AFP: variants seen among roughly 807,000 people sequenced by gnomAD.
AFP encodes the protein alpha fetoprotein.
In AFP, 64 loss-of-function variants were observed where a neutral mutation model predicts 78.9. That is an observed-to-expected ratio of 0.81 (90% CI 0.66 to 1.00). The LOEUF is 1.00. Ranked by LOEUF, AFP falls within the 50% of genes least tolerant of loss-of-function variation. The probability of loss-of-function intolerance (pLI) is 0.00; values close to 1 mark genes in which losing one functional copy is unlikely to be tolerated. For synonymous variants in AFP, 254 were observed against 243.8 expected, an observed-to-expected ratio of 1.04 and a Z score of -0.39; for missense variants, 689 against 703.8, an observed-to-expected ratio of 0.98 and a Z score of 0.24.
At position 73,440,163 on chromosome 4, in the gene AFP, G is replaced by T. The variant is rs111446709; in HGVS notation, c.271-439G>T. ...CTGCACCTACCAACCTGTTGCCTGG[G>T]TATTAAGCCCAGCGTGCATTACCTA... On this transcript the variant is annotated intron_variant, in intron 3 of 14. Coordinates refer to ENST00000395792, the MANE Select transcript of AFP (RefSeq NM_001134.3). Among the ~76,000 whole-genome samples, 409 of 152,108 alleles carry T rather than the reference G, an allele frequency of 2.7e-3. 1 individual carries two copies. Among genetic ancestry groups the T allele is most frequent in the African/African-American group, 9.0e-3 (373 of 41,478 alleles).
In AFP at chr4:73,449,342, C is replaced by T. The variant is rs1719918901; in HGVS notation, c.1066C>T (p.His356Tyr). The T allele has an allele frequency of 6.8e-6, 11 of 1,612,734 alleles. No individual in the cohort carries two copies. Among genetic ancestry groups the T allele is most frequent in the Non-Finnish European group, 9.3e-6 (11 of 1,179,230 alleles). The stretch of plus-strand genomic sequence containing the variant: ...TTTCTCCACATATTTCAGTTTTGTT[C>T]ATGAATATTCAAGAAGACATCCTCA... ...EKNIFLASFV[H>Y]EYSRRHPQLA... Residue 356 changes from histidine to tyrosine, a missense_variant, in exon 9 of 15, where the codon CAT becomes TAT. Coordinates refer to ENST00000395792, the MANE Select transcript of AFP (RefSeq NM_001134.3).
Position 73,442,489 on chromosome 4 carries a change from C to T in AFP, c.615+61C>T, listed in dbSNP as rs184090053. 5.8e-3 allele frequency: 9,212 copies of T among 1,589,880 alleles called. 34 individuals carry two copies. Among genetic ancestry groups the T allele is most frequent in the Non-Finnish European group, 7.3e-3 (8,459 of 1,159,520 alleles). ...TAGTCTATGACTCATTAAAACAAAACAAAGTTAAAAATGAAAACGTGCTTA... is the reference window on the plus strand; with the variant it reads ...TAGTCTATGACTCATTAAAACAAAATAAAGTTAAAAATGAAAACGTGCTTA... On this transcript the variant is annotated intron_variant, in intron 5 of 14. Coordinates refer to ENST00000395792, the MANE Select transcript of AFP (RefSeq NM_001134.3).
chr4:73,440,294 T>A (rs1025952836), intron 3 of AFP, among the ~76,000 whole-genome samples: 6 of 152,130 alleles, frequency 3.9e-5, no homozygotes, highest in African/African-American at 1.4e-4. Context: ...TTTATAAAAG[T>A]TTATATATCC....
rs760178436 is a variant in AFP at position 73,447,540 on chromosome 4, C to A, written c.922C>A (p.Leu308Met). The change falls in exon 8 of 15, where the codon CTG becomes ATG. Residue 308 changes from leucine (L) to methionine (M), a missense_variant. Leu to Met is a conservative substitution (Grantham distance 15). Coordinates refer to ENST00000395792, the MANE Select transcript of AFP (RefSeq NM_001134.3). ...AACAGAATGCTGCAAACTGACCACGCTGGAACGTGGTCAATGTATAATTCA... is the reference window on the plus strand; with the variant it reads ...AACAGAATGCTGCAAACTGACCACGATGGAACGTGGTCAATGTATAATTCA... ...KITECCKLTTLERGQCIIHAE... is the reference protein window; with the variant it reads ...KITECCKLTTMERGQCIIHAE... The A allele has an allele frequency of 6.2e-7, 1 of 1,612,142 alleles. No individual in the cohort carries two copies.
chr4:73,439,490 T>C (rs1485186782), intron 3 of AFP, among the ~76,000 whole-genome samples: 7 of 152,206 alleles, frequency 4.6e-5, no homozygotes, highest in Non-Finnish European at 1.0e-4. Context: ...TTACAACCAA[T>C]TAGAGGTTCA....
At chr4:73,442,127 T>C (rs1719688406) in intron 4 of AFP, among the ~76,000 whole-genome samples, 169 bp from the exon 5 acceptor site, 1 of 152,204 alleles carries the variant, frequency 6.6e-6, no homozygotes, top group Non-Finnish European at 1.5e-5. Context: ...TGACAACATG[T>C]GGAAAAAATA....
In AFP at chr4:73,450,764, G is replaced by A; in HGVS notation, c.1428+11G>A. On this transcript the variant is annotated intron_variant, in intron 11 of 14. Transcript: ENST00000395792. ...TGTGGCGAGGGAGCGGTGAGTGTCT[G>A]CTTGGTTTGGTCCCATCTCATTTCT... 1 of 1,613,770 alleles carries A rather than the reference G, an allele frequency of 6.2e-7. No individual in the cohort carries two copies. Among genetic ancestry groups the A allele is most frequent in the Non-Finnish European group, 8.5e-7 (1 of 1,179,960 alleles).
In AFP at chr4:73,449,423, A is replaced by C. The variant is rs555037837; in HGVS notation, c.1147A>C (p.Lys383Gln). The C allele has an allele frequency of 1.2e-6, 2 of 1,613,638 alleles. No homozygotes were observed. Among genetic ancestry groups the C allele is most frequent in the Admixed American group, 1.7e-5 (1 of 60,002 alleles). ...TAAAGGATACCAGGAGTTATTGGAG[A>C]AGTGTTTCCAGACTGAAAACCCTCT... ...VAKGYQELLE[K>Q]CFQTENPLEC... Residue 383 changes from lysine to glutamine, a missense_variant, in exon 9 of 15, where the codon AAG (lysine) becomes CAG (glutamine). Physicochemically the swap from Lys to Gln is moderately conservative, Grantham distance 53 (BLOSUM62 1). Transcript: ENST00000395792.
intron 3 of AFP, among the ~76,000 whole-genome samples, chr4:73,439,815 T>G (rs1719609725): frequency 6.6e-6 from 1 of 152,196 alleles, no homozygotes; most frequent in Admixed American, 6.5e-5. Context: ...AAAATAATTA[T>G]TTCATTTCAA....
intron 11 of AFP, among the ~76,000 whole-genome samples, chr4:73,451,849 T>A (rs947179397): frequency 1.3e-5 from 2 of 152,216 alleles, no homozygotes; most frequent in African/African-American, 4.8e-5. Context: ...ACTAGGTGAT[T>A]AAGAAATATC....
intron 3 of AFP, among the ~76,000 whole-genome samples, chr4:73,440,304 C>T (rs1314764018): frequency 3.9e-5 from 6 of 151,988 alleles, no homozygotes; most frequent in Non-Finnish European, 7.4e-5. Flanking sequence ...TTTATATATC[C>T]TAGTCCAAAT....
At position 73,449,375 on chromosome 4, in the gene AFP, G is replaced by A. The variant is rs1719920308; in HGVS notation, c.1099G>A (p.Val367Ile). Residue 367 changes from valine (V) to isoleucine (I), a missense_variant, in exon 9 of 15, where the codon GTC becomes ATC. By Grantham distance (29) the Val-to-Ile change is conservative. Transcript: ENST00000395792. ...EYSRRHPQLA[V>I]SVILRVAKGY... ...TTCAAGAAGACATCCTCAGCTTGCT[G>A]TCTCAGTAATTCTAAGAGTTGCTAA... 3.7e-6 allele frequency: 6 copies of A among 1,613,368 alleles called. No individual in the cohort carries two copies. Among genetic ancestry groups the A allele is most frequent in the Non-Finnish European group, 5.1e-6 (6 of 1,179,522 alleles).
At chr4:73,441,567 C>CA (rs35201987) in intron 4 of AFP, among the ~76,000 whole-genome samples, 1,947 of 95,986 alleles carry the variant, frequency 0.02, 156 homozygotes, top group African/African-American at 0.076. Flanking sequence ...GACTCCGTCT[C>CA]AAAAAAAAAA....
In AFP at chr4:73,438,156, C is replaced by T. The variant is rs372446526; in HGVS notation, c.138-18C>T. ...TGCAGGTCTGTTCCTTAAGGATTCA[C>T]ACGTATTTTTGTTTCAGGGCTACCA... On this transcript the variant is annotated intron_variant, in intron 2 of 14. Coordinates refer to ENST00000395792, the MANE Select transcript of AFP (RefSeq NM_001134.3). The T allele has an allele frequency of 3.3e-5, 53 of 1,612,894 alleles. 1 individual carries two copies. The African/African-American group carries it at 6.3e-4, about 19-fold the overall frequency.
chr4:73,450,841 A>T, intron 11 of AFP, 88 bp downstream of exon 11: 1 of 1,603,150 alleles, frequency 6.2e-7, no homozygotes, highest in Non-Finnish European at 8.5e-7. Context: ...GAAGACGGTA[A>T]AAACCAATGT....
intron 1 of AFP, 37 bp from the exon 2 acceptor site, chr4:73,437,123 T>G (rs1719530782): frequency 6.5e-7 from 1 of 1,533,202 alleles, no homozygotes; most frequent in Admixed American, 1.7e-5. Context: ...TGGTTGCAGT[T>G]GAAAACACGT....
chr4:73,445,216 T>C, intron 7 of AFP, 94 bp downstream of exon 7: 1 of 1,491,166 alleles, frequency 6.7e-7, no homozygotes, highest in Admixed American at 1.7e-5. Context: ...TGACTTGAAT[T>C]GGTTACAGAG....
chr4:73,455,544 AT>A, intron 14 of AFP, 86 bp from the exon 15 acceptor site: 1 of 655,530 alleles, frequency 1.5e-6, no homozygotes. Context: ...CGTATCCAAT[AT>A]TTCTCTGATA....
At chr4:73,437,867 T>C (rs889503764) in intron 2 of AFP, among the ~76,000 whole-genome samples, 8 of 151,984 alleles carry the variant, frequency 5.3e-5, no homozygotes, top group Admixed American at 3.3e-4. Context: ...AGAATATAGA[T>C]ACCCTCAATT....
Sources: allele counts gnomAD v4.1 joint callset (sites outside exome capture counted in the v4.1 genomes callset), GRCh38; gene constraint gnomAD v4.1.1; transcripts MANE v1.5; gene names NCBI Gene and HGNC (gene_info 2026-07-23, HGNC 2026-07-21).